GPC6: variants seen among roughly 807,000 people sequenced by gnomAD.
The protein encoded by GPC6 is glypican 6, also known as glypican-6.
In GPC6, 14 loss-of-function variants were observed where a neutral mutation model predicts 55.2. The ratio of observed to expected loss-of-function variants is 0.25; its 90% CI spans 0.17 to 0.40. The LOEUF is 0.40. GPC6 is among the 10% of genes least tolerant of loss of function. The probability of loss-of-function intolerance (pLI) is 1.00; values close to 1 mark genes in which losing one functional copy is unlikely to be tolerated. For missense variants in GPC6, 641 were observed against 708.5 expected, an observed-to-expected ratio of 0.90 and a Z score of 1.08; for synonymous variants, 278 against 259.6, an observed-to-expected ratio of 1.07 and a Z score of -0.68.
At chr13:93,543,430 A>G (rs545504505) in intron 1 of GPC6, among the ~76,000 whole-genome samples, 10 of 151,992 alleles carry the variant, frequency 6.6e-5, no homozygotes, top group African/African-American at 2.4e-4. Flanking sequence ...GTTTGCCAGT[A>G]TTTTATTGAG....
At chr13:93,630,550 A>G (rs1594325445) in intron 2 of GPC6, among the ~76,000 whole-genome samples, 1 of 152,256 alleles carries the variant, frequency 6.6e-6, no homozygotes, top group East Asian at 1.9e-4. Context: ...TCCTGGAAAA[A>G]TAGTGTAGGA....
intron 3 of GPC6, among the ~76,000 whole-genome samples, chr13:93,907,622 G>T (rs1876740337): frequency 6.6e-6 from 1 of 152,124 alleles, no homozygotes; most frequent in African/African-American, 2.4e-5. Context: ...TATAGGTGAA[G>T]AAGTGGACAG....
chr13:94,106,779 C>G (rs764988669), intron 4 of GPC6, among the ~76,000 whole-genome samples: 7 of 151,594 alleles, frequency 4.6e-5, no homozygotes, highest in Admixed American at 1.3e-4. Context: ...TATAAATGGC[C>G]GAGATTAAAA....
At chr13:93,551,282 T>G (rs1462424613) in intron 2 of GPC6, among the ~76,000 whole-genome samples, 5 of 147,052 alleles carry the variant, frequency 3.4e-5, no homozygotes, top group Non-Finnish European at 7.5e-5. Context: ...TTTTATTCCT[T>G]GCACCAGCCC....
At chr13:94,104,830 T>C (rs1885995756) in intron 4 of GPC6, among the ~76,000 whole-genome samples, 1 of 152,096 alleles carries the variant, frequency 6.6e-6, no homozygotes, top group South Asian at 2.1e-4. Flanking sequence ...CACAAACAAA[T>C]GGAAGAACAT....
intron 4 of GPC6, among the ~76,000 whole-genome samples, chr13:94,130,925 A>T (rs1362372565): frequency 6.6e-6 from 1 of 152,148 alleles, no homozygotes; most frequent in Non-Finnish European, 1.5e-5. Context: ...TTTGCAGCTC[A>T]TAGTTTAATG....
intron 3 of GPC6, among the ~76,000 whole-genome samples, chr13:93,833,823 A>C (rs1011356206): frequency 2.0e-5 from 3 of 152,166 alleles, no homozygotes; most frequent in African/African-American, 7.2e-5. Flanking sequence ...TCTTATGGAT[A>C]CAAACAGTCT....
At chr13:94,382,910 T>C (rs576113532) in intron 7 of GPC6, among the ~76,000 whole-genome samples, 5 of 152,330 alleles carry the variant, frequency 3.3e-5, no homozygotes, top group East Asian at 3.9e-4. Flanking sequence ...TTTCCAGGGC[T>C]CTTTTTTTCA....
chr13:93,934,563 G>C (rs185554886), intron 3 of GPC6, among the ~76,000 whole-genome samples: 166 of 152,144 alleles, frequency 1.1e-3, no homozygotes, highest in Non-Finnish European at 2.2e-3. Flanking sequence ...GATTTTCATC[G>C]CTGCAACAGG....
intron 1 of GPC6, among the ~76,000 whole-genome samples, chr13:93,364,935 C>T (rs1244999317): frequency 1.3e-5 from 2 of 151,902 alleles, no homozygotes; most frequent in East Asian, 3.9e-4. Context: ...CCCATCTTGT[C>T]TTTGGTTCTT....
At chr13:93,257,614 C>G (rs937782769) in intron 1 of GPC6, among the ~76,000 whole-genome samples, 6 of 152,142 alleles carry the variant, frequency 3.9e-5, no homozygotes, top group African/African-American at 1.4e-4. Context: ...CTTGTAGTAT[C>G]TCGCATAATC....
chr13:93,637,566 A>G (rs1879750069), intron 2 of GPC6, among the ~76,000 whole-genome samples: 1 of 152,148 alleles, frequency 6.6e-6, no homozygotes, highest in Non-Finnish European at 1.5e-5. Flanking sequence ...GATTATTTTC[A>G]GATAGTGTCC....
chr13:93,968,451 C>A (rs1333944813), intron 3 of GPC6, among the ~76,000 whole-genome samples: 2 of 152,038 alleles, frequency 1.3e-5, no homozygotes, highest in Non-Finnish European at 2.9e-5. Context: ...CAAATCAGTT[C>A]ACTTGTATTA....
intron 1 of GPC6, among the ~76,000 whole-genome samples, chr13:93,498,023 A>G (rs772138374): frequency 2.6e-5 from 4 of 152,184 alleles, no homozygotes; most frequent in African/African-American, 9.7e-5. Flanking sequence ...CATCTTCTAT[A>G]TGCTTTCTTG....
intron 2 of GPC6, among the ~76,000 whole-genome samples, chr13:93,789,758 T>C (rs986174916): frequency 6.7e-6 from 1 of 149,982 alleles, no homozygotes; most frequent in Admixed American, 6.7e-5. Context: ...ATGAGTTTGA[T>C]TGGCCTCAGT....
intron 3 of GPC6, among the ~76,000 whole-genome samples, chr13:93,972,988 T>C (rs1169705126): frequency 2.0e-5 from 3 of 151,832 alleles, no homozygotes; most frequent in Non-Finnish European, 4.4e-5. Flanking sequence ...TCTCTCTCTC[T>C]CCCTCTCTCA....
intron 3 of GPC6, among the ~76,000 whole-genome samples, chr13:94,003,899 G>T (rs1317368662): frequency 6.6e-6 from 1 of 152,118 alleles, no homozygotes; most frequent in Non-Finnish European, 1.5e-5. Flanking sequence ...TCTGAGCTCT[G>T]CCCTGCTCTG....
At chr13:93,474,287 C>T (rs143326683) in intron 1 of GPC6, among the ~76,000 whole-genome samples, 184 of 152,164 alleles carry the variant, frequency 1.2e-3, no homozygotes, top group African/African-American at 4.0e-3. Flanking sequence ...GGGTGGTAGA[C>T]TATATATGGA....
Position 93,712,260 on chromosome 13 carries a change from C to T in GPC6, c.320-117894C>T, listed in dbSNP as rs530120593. 2.6e-4 allele frequency among the ~76,000 whole-genome samples: 39 copies of T among 151,746 alleles called. No individual in the cohort carries two copies. The East Asian group carries it at 6.7e-3, about 26-fold the overall frequency. Reference sequence around the variant, plus strand: ...TATATGGAGTAATGCGCAAAAATGCCAAGACACTATTGACAAAGAATGAGA... The same window carrying T: ...TATATGGAGTAATGCGCAAAAATGCTAAGACACTATTGACAAAGAATGAGA... On this transcript the variant is annotated intron_variant, in intron 2 of 8. Coordinates refer to ENST00000377047, the MANE Select transcript of GPC6 (RefSeq NM_005708.5).
Sources: gnomAD v4.1 joint callset for allele counts (sites outside exome capture counted in the v4.1 genomes callset) on GRCh38, gnomAD v4.1.1 for gene constraint, MANE v1.5 for transcripts, NCBI Gene and HGNC (gene_info 2026-07-23, HGNC 2026-07-21) for gene names.